EIF4G3: variants seen among roughly 807,000 people sequenced by gnomAD.
EIF4G3 encodes eIF-4-gamma 3.
EIF4G3 carries 34 observed loss-of-function variants against 186.4 expected under a neutral mutation model. The ratio of observed to expected loss-of-function variants is 0.18; its 90% confidence interval spans 0.14 to 0.24. The LOEUF (loss-of-function observed/expected upper bound fraction) is 0.24, where lower values mean the gene tolerates loss of function less well. Among genes scored for constraint, EIF4G3 ranks in the 10% least tolerant of loss-of-function variants. EIF4G3 has a pLI of 1.00. For synonymous variants in EIF4G3, 673 were observed against 679.5 expected, an observed-to-expected ratio of 0.99 and a Z score of 0.15; for missense variants, 1,536 against 1,948.5, an observed-to-expected ratio of 0.79 and a Z score of 3.99.
chr1:20,827,769 T>C, intron 31 of EIF4G3, 71 bp from the exon 32 acceptor site: 3 of 1,065,382 alleles, frequency 2.8e-6, no homozygotes, highest in Non-Finnish European at 4.3e-6. Context: ...AGGCAAACAA[T>C]GTGTGACCAA....
intron 34 of EIF4G3, among the ~76,000 whole-genome samples, chr1:20,816,212 T>C (rs1570958706): frequency 1.4e-5 from 1 of 71,516 alleles, no homozygotes; most frequent in East Asian, 5.8e-4. Flanking sequence ...AGCCGCCCCG[T>C]CCGGGAGGGA....
At chr1:20,929,666 T>C (rs2095188894) in intron 14 of EIF4G3, 1 of 152,224 alleles carries the variant, frequency 6.6e-6, no homozygotes, top group Non-Finnish European at 1.5e-5. Flanking sequence ...CTAAGTACTT[T>C]ACATACATCA....
In EIF4G3 at chr1:21,053,154, G is replaced by A. The variant is rs566910334; in HGVS notation, c.-195-2160C>T. ...AAGTGAGGAGCGTCTCTGCCAGGCC[G>A]CCCATCGTCTGAGATGTGGGGAGCA... is the stretch of plus-strand genomic sequence containing the variant. On this transcript the variant is annotated intron_variant, in intron 3 of 36. Coordinates refer to ENST00000602326, the MANE Select transcript of EIF4G3 (RefSeq NM_001391906.1). 9.4e-3 allele frequency among the ~76,000 whole-genome samples: 1,421 copies of A among 151,772 alleles called. 8 individuals are homozygous for A. The highest frequency in any genetic ancestry group is 0.014 in the Non-Finnish European group (919 of 67,886).
In EIF4G3 at chr1:20,941,604, C is replaced by T. The variant is rs1181158991; in HGVS notation, c.1550G>A (p.Cys517Tyr). 2 of 1,614,206 alleles carry T rather than the reference C, an allele frequency of 1.2e-6. No individual in the cohort carries two copies. Among genetic ancestry groups the T allele is most frequent in the East Asian group, 2.2e-5 (1 of 44,880 alleles). ...AATCTCTTTTGCATCTTCACTAAGGCAAGTTCTTATGCTCTCGTCCTCCTC... is the reference window on the plus strand; with the variant it reads ...AATCTCTTTTGCATCTTCACTAAGGTAAGTTCTTATGCTCTCGTCCTCCTC... Reference protein sequence around the residue: ...VLEEDESIRTCLSEDAKEIQN... With the variant: ...VLEEDESIRTYLSEDAKEIQN... The change falls in exon 14 of 37, where the codon TGC becomes TAC. Residue 517 changes from cysteine to tyrosine, a missense_variant. By Grantham distance (194) the Cys-to-Tyr change is radical (BLOSUM62 -2). This residue lies in a region of EIF4G3 where 560 missense variants were observed against 547.8 expected (regional missense o/e 1.02). Coordinates refer to ENST00000602326, the MANE Select transcript of EIF4G3 (RefSeq NM_001391906.1).
At chr1:20,904,381 T>C (rs924216492) in intron 15 of EIF4G3, among the ~76,000 whole-genome samples, 1 of 152,234 alleles carries the variant, frequency 6.6e-6, no homozygotes, top group African/African-American at 2.4e-5. Context: ...TGTTTCACTG[T>C]GTTGCCCAGG....
intron 32 of EIF4G3, among the ~76,000 whole-genome samples, chr1:20,827,029 T>G (rs1031471204): frequency 3.3e-5 from 5 of 152,176 alleles, no homozygotes; most frequent in African/African-American, 1.2e-4. Context: ...CTTTAAACAT[T>G]AAAATCTATC....
chr1:20,873,246 T>C (rs918330543), intron 20 of EIF4G3, among the ~76,000 whole-genome samples: 1 of 152,234 alleles, frequency 6.6e-6, no homozygotes, highest in East Asian at 1.9e-4. Flanking sequence ...TGTATAAACA[T>C]GCTACGATTT....
At chr1:20,863,378 T>TAAAAAAAAAAAAAAAAAAAAAAAAA (rs3051243) in intron 22 of EIF4G3, among the ~76,000 whole-genome samples, 15 of 102,486 alleles carry the variant, frequency 1.5e-4, no homozygotes, top group East Asian at 1.0e-3. Context: ...CTACAAAAAG[T>TAAAAAAAAAAAAAAAAAAAAAAAAA]AAAAAAAAAA....
chr1:21,017,099 T>C (rs2089332417), intron 4 of EIF4G3, among the ~76,000 whole-genome samples: 1 of 152,202 alleles, frequency 6.6e-6, no homozygotes. Context: ...AAGCAAAATG[T>C]GGCACATACA....
chr1:21,104,555 A>G (rs2096581441), intron 2 of EIF4G3, among the ~76,000 whole-genome samples: 1 of 152,248 alleles, frequency 6.6e-6, no homozygotes, highest in African/African-American at 2.4e-5. Context: ...GCCATTATTA[A>G]AAAGTCAAAA....
chr1:21,049,332 G>T (rs905163166), intron 4 of EIF4G3, among the ~76,000 whole-genome samples: 1 of 152,102 alleles, frequency 6.6e-6, no homozygotes, highest in African/African-American at 2.4e-5. Flanking sequence ...TAAGGTAAGC[G>T]TTTGCTCTTT....
intron 33 of EIF4G3, among the ~76,000 whole-genome samples, chr1:20,823,725 G>C (rs1023397123): frequency 6.6e-6 from 1 of 152,012 alleles, no homozygotes; most frequent in East Asian, 1.9e-4. Context: ...TCTCTTGTTT[G>C]CTCATTTTTG....
rs1222364060 is a variant in EIF4G3, at chr1:20,851,239, T to C, written c.3772+19A>G. ...AATTTAAAACCCAAATCTGCATCTG[T>C]TTAAGCCAAGTCTCTCACCTGACTC... is the stretch of plus-strand genomic sequence containing the variant. On this transcript the variant is annotated intron_variant, in intron 28 of 36. Coordinates refer to ENST00000602326, the MANE Select transcript of EIF4G3 (RefSeq NM_001391906.1). The C allele has an allele frequency of 6.2e-7, 1 of 1,612,834 alleles. No individual in the cohort carries two copies. Among genetic ancestry groups the C allele is most frequent in the South Asian group, 1.1e-5 (1 of 91,004 alleles).
chr1:21,168,198 G>A, intron 2 of EIF4G3: 1 of 323,856 alleles, frequency 3.1e-6, no homozygotes, highest in Non-Finnish European at 6.4e-6. Context: ...GAGGTCAGGA[G>A]TTTGAGACCA....
At chr1:20,848,686 G>A (rs2072078284) in intron 29 of EIF4G3, among the ~76,000 whole-genome samples, 1 of 152,070 alleles carries the variant, frequency 6.6e-6, no homozygotes, top group African/African-American at 2.4e-5. Flanking sequence ...TCAGTTTTAT[G>A]AAATAAAGAA....
intron 19 of EIF4G3, among the ~76,000 whole-genome samples, chr1:20,880,420 A>G (rs2081998072): frequency 6.6e-6 from 1 of 152,192 alleles, no homozygotes; most frequent in Non-Finnish European, 1.5e-5. Context: ...TTTAAGTACC[A>G]TTTACAGCAG....
At chr1:21,003,542 G>A (rs2084179232) in intron 4 of EIF4G3, 1 of 256,282 alleles carries the variant, frequency 3.9e-6, no homozygotes, top group East Asian at 1.1e-4. Context: ...GTATTATGTT[G>A]CTAGAAAAAG....
intron 2 of EIF4G3, among the ~76,000 whole-genome samples, chr1:21,107,287 T>A (rs946383723): frequency 1.3e-5 from 2 of 152,150 alleles, no homozygotes; most frequent in Non-Finnish European, 2.9e-5. Context: ...GCAATTCTCC[T>A]GCCTCAGCCT....
At chr1:20,954,654 C>T (rs761300744) in intron 12 of EIF4G3, among the ~76,000 whole-genome samples, 2 of 151,316 alleles carry the variant, frequency 1.3e-5, no homozygotes, top group Non-Finnish European at 2.9e-5. Context: ...CTCATTAGAA[C>T]GGTGTGTGTC....
Sources: allele counts gnomAD v4.1 joint callset (sites outside exome capture counted in the v4.1 genomes callset), GRCh38; gene constraint gnomAD v4.1.1; regional missense constraint gnomAD v4.1.1; transcripts MANE v1.5; gene names NCBI Gene and HGNC (gene_info 2026-07-23, HGNC 2026-07-21).